The following ERBB4 variants were observed in gnomAD, a reference collection of about 807,000 sequenced individuals.
The protein encoded by ERBB4 is erb-b2 receptor tyrosine kinase 4.
ERBB4 carries 42 observed loss-of-function variants against 158.0 expected under a neutral mutation model. The ratio of observed to expected loss-of-function variants is 0.27; its 90% confidence interval spans 0.21 to 0.34. The LOEUF is 0.34. ERBB4 is among the 10% of genes least tolerant of loss of function. The probability of loss-of-function intolerance (pLI) is 1.00; values close to 1 mark genes in which losing one functional copy is unlikely to be tolerated. For missense variants in ERBB4, 1,333 were observed against 1,624.1 expected (o/e 0.82, Z 3.08); for synonymous variants, 583 against 558.7 (o/e 1.04, Z -0.61).
chr2:212,330,397 T>C (rs2088080134), intron 1 of ERBB4, among the ~76,000 whole-genome samples: 1 of 151,962 alleles, frequency 6.6e-6, no homozygotes, highest in Admixed American at 6.6e-5. Flanking sequence ...GGCTTGCCAA[T>C]TGCTTGAGCC....
chr2:211,898,973 T>A (rs2079166306), intron 3 of ERBB4, among the ~76,000 whole-genome samples: 1 of 152,168 alleles, frequency 6.6e-6, no homozygotes, highest in African/African-American at 2.4e-5. Context: ...TTCTCCTATG[T>A]TGCACTTACT....
intron 1 of ERBB4, among the ~76,000 whole-genome samples, chr2:212,446,606 T>TA (rs1298824779): frequency 1.2e-4 from 4 of 33,616 alleles, no homozygotes; most frequent in Non-Finnish European, 2.3e-4. Context: ...TATATATATA[T>TA]ATATATATAT....
intron 2 of ERBB4, among the ~76,000 whole-genome samples, chr2:212,005,191 T>G (rs937267205): frequency 6.6e-6 from 1 of 152,132 alleles, no homozygotes; most frequent in Non-Finnish European, 1.5e-5. Context: ...GCAGGAAATC[T>G]TTTTGAATCC....
At chr2:211,624,594 T>C (rs901957883) in intron 17 of ERBB4, among the ~76,000 whole-genome samples, 1 of 152,168 alleles carries the variant, frequency 6.6e-6, no homozygotes, top group African/African-American at 2.4e-5. Flanking sequence ...TCGAACACAT[T>C]TGAAGTACCA....
At chr2:212,235,421 G>A (rs1040090648) in intron 1 of ERBB4, among the ~76,000 whole-genome samples, 1 of 149,226 alleles carries the variant, frequency 6.7e-6, no homozygotes, top group Non-Finnish European at 1.5e-5. Context: ...ATGCCTCCAG[G>A]TTTTTGCACA....
intron 1 of ERBB4, among the ~76,000 whole-genome samples, chr2:212,295,628 G>A (rs151178197): frequency 4.6e-5 from 7 of 152,108 alleles, no homozygotes; most frequent in South Asian, 4.1e-4. Context: ...TTCCTGTTCC[G>A]TTGCTTACTA....
chr2:212,062,399 CTTTTTTTTTTTTTTTTTTTTTTTTT>C (rs199535512), intron 2 of ERBB4, among the ~76,000 whole-genome samples: 28,029 of 81,898 alleles, frequency 0.34, 3,585 homozygotes, highest in African/African-American at 0.49. Context: ...CTTGTCAATT[CTTTTTTTTTTTTTTTTTTTTTTTTT>C]TTTTTTTTTT....
intron 2 of ERBB4, among the ~76,000 whole-genome samples, chr2:212,120,976 T>G (rs2079729707): frequency 1.3e-5 from 2 of 152,318 alleles, no homozygotes; most frequent in South Asian, 4.1e-4. Context: ...ATTACATATT[T>G]TGGAGAGAAG....
chr2:212,027,574 G>T (rs2076802729), intron 2 of ERBB4, among the ~76,000 whole-genome samples: 1 of 152,058 alleles, frequency 6.6e-6, no homozygotes, highest in Admixed American at 6.6e-5. Context: ...GAATTGTTGA[G>T]AACAAAGAGT....
intron 3 of ERBB4, among the ~76,000 whole-genome samples, chr2:211,804,679 T>C (rs915996584): frequency 2.6e-5 from 4 of 152,114 alleles, no homozygotes; most frequent in African/African-American, 7.2e-5. Flanking sequence ...AAAAGACTTA[T>C]GGGAATCAAA....
chr2:211,996,324 T>A (rs2082199231), intron 2 of ERBB4, among the ~76,000 whole-genome samples: 1 of 152,134 alleles, frequency 6.6e-6, no homozygotes, highest in African/African-American at 2.4e-5. Context: ...CTTGTTTTAT[T>A]ATTCATTAGT....
intron 1 of ERBB4, among the ~76,000 whole-genome samples, chr2:212,175,045 A>G (rs1404789776): frequency 6.6e-6 from 1 of 152,060 alleles, no homozygotes; most frequent in Non-Finnish European, 1.5e-5. Context: ...TCTTTCAAGA[A>G]TGCCTATTTT....
chr2:211,519,798 C>T (rs2066139859), intron 20 of ERBB4, among the ~76,000 whole-genome samples: 1 of 152,090 alleles, frequency 6.6e-6, no homozygotes, highest in African/African-American at 2.4e-5. Flanking sequence ...TTATATGTAT[C>T]AACTATTGTC....
chr2:211,407,174 A>AAGAT (rs2125368191), intron 25 of ERBB4, among the ~76,000 whole-genome samples: 1 of 152,286 alleles, frequency 6.6e-6, no homozygotes, highest in South Asian at 2.1e-4. Context: ...TACTTGGCAA[A>AAGAT]AGATAAGTGA....
chr2:211,553,503 AT>A (rs1384750361), intron 20 of ERBB4, among the ~76,000 whole-genome samples: 2 of 152,244 alleles, frequency 1.3e-5, no homozygotes, highest in Admixed American at 1.3e-4. Flanking sequence ...AAATGACGGT[AT>A]TTTTTACGTG....
chr2:212,089,796 T>C (rs2078720676), intron 2 of ERBB4, among the ~76,000 whole-genome samples: 1 of 152,134 alleles, frequency 6.6e-6, no homozygotes, highest in South Asian at 2.1e-4. Flanking sequence ...CAAAGGGAGA[T>C]GGAAATAATA....
intron 1 of ERBB4, among the ~76,000 whole-genome samples, chr2:212,133,394 GTGTTTTTTTTTTGTTTTGTTTTGTTTT>G (rs2080165823): frequency 7.0e-6 from 1 of 141,926 alleles, no homozygotes; most frequent in African/African-American, 2.8e-5. Flanking sequence ...TTTCATTTTG[GTGTTTTTTTTTTGTTTTGTTTTGTTTT>G]TGTTTTTTTT....
At chr2:212,330,538 G>A (rs2088087385) in intron 1 of ERBB4, among the ~76,000 whole-genome samples, 1 of 151,940 alleles carries the variant, frequency 6.6e-6, no homozygotes, top group Non-Finnish European at 1.5e-5. Flanking sequence ...GATTGCTTGA[G>A]CCCAAGAGGT....
chr2:212,226,686 T>C (rs183472600), intron 1 of ERBB4, among the ~76,000 whole-genome samples: 1 of 152,306 alleles, frequency 6.6e-6, no homozygotes, highest in East Asian at 1.9e-4. Context: ...TATTAGTCTA[T>C]GTTATATAGA....
Sources: allele counts gnomAD v4.1 joint callset (sites outside exome capture counted in the v4.1 genomes callset), GRCh38; gene constraint gnomAD v4.1.1; transcripts MANE v1.5; gene names NCBI Gene and HGNC (gene_info 2026-07-23, HGNC 2026-07-21).